The following MTAP variants were observed in gnomAD, a reference collection of about 807,000 sequenced individuals.
MTAP encodes S-methyl-5'-thioadenosine phosphorylase.
Under a neutral mutation model 33.6 loss-of-function variants are expected in MTAP, and 33 were observed. The observed-to-expected ratio is 0.98, with a 90% CI of 0.74 to 1.31. MTAP has a LOEUF of 1.31. MTAP is among the 40% of genes most tolerant of loss of function. The pLI is 0.00. For synonymous variants in MTAP, 148 were observed against 125.7 expected, an observed-to-expected ratio of 1.18 and a Z score of -1.19; for missense variants, 367 against 360.0, an observed-to-expected ratio of 1.02 and a Z score of -0.16.
Position 21,819,140 on chromosome 9 carries a change from T to TC in MTAP, c.347+938_347+939insC, listed in dbSNP as rs200901590. On this transcript the variant is annotated intron_variant, in intron 4 of 7. Coordinates refer to ENST00000644715, the MANE Select transcript of MTAP (RefSeq NM_002451.4). Reference sequence around the variant, plus strand: ...TTGTGTATATATACCACATTTTCTTTTTTTTTTTTTTAATTGTACTTTTAA... The same window carrying TC: ...TTGTGTATATATACCACATTTTCTTTCTTTTTTTTTTTAATTGTACTTTTAA... Among the ~76,000 whole-genome samples the TC allele has an allele frequency of 7.4e-3, 1,117 of 151,584 alleles. 14 individuals are homozygous for TC. The highest frequency in any genetic ancestry group is 0.024 in the African/African-American group (1,003 of 41,304).
intron 5 of MTAP, among the ~76,000 whole-genome samples, chr9:21,838,633 T>C (rs1228599289): frequency 6.6e-6 from 1 of 152,216 alleles, no homozygotes; most frequent in East Asian, 1.9e-4. Context: ...CAGCCTTCTG[T>C]CTACCATTAT....
intron 1 of MTAP, chr9:21,930,204 C>G: frequency 3.1e-6 from 1 of 318,526 alleles, no homozygotes; most frequent in Non-Finnish European, 6.1e-6. Flanking sequence ...TAATCAGAGC[C>G]AAACCCCATG....
At chr9:21,802,859 C>T (rs535782573) in intron 1 of MTAP, 78 bp downstream of exon 1, 5 of 1,579,660 alleles carry the variant, frequency 3.2e-6, no homozygotes, top group Middle Eastern at 1.9e-4. Context: ...ACCGCGCCTC[C>T]GGGGGCCATG....
downstream of MTAP, chr9:21,933,948 C>T (rs1819002988): frequency 6.6e-6 from 1 of 152,014 alleles, no homozygotes; most frequent in African/African-American, 2.4e-5. Flanking sequence ...CGCAAATGTT[C>T]TTCAAGTTGA....
At chr9:21,871,165 G>A (rs112302074), downstream of MTAP, among the ~76,000 whole-genome samples, 14 of 152,250 alleles carry the variant, frequency 9.2e-5, 1 homozygote, top group African/African-American at 3.4e-4. Flanking sequence ...AGTTGTTCCA[G>A]TGATTTTGAA....
At chr9:21,916,094 AG>A (rs1268671518) in intron 1 of MTAP, among the ~76,000 whole-genome samples, 1 of 148,418 alleles carries the variant, frequency 6.7e-6, no homozygotes, top group African/African-American at 2.5e-5. Context: ...GAAGGAAGGA[AG>A]GAAGGAAGGA....
chr9:21,916,643 G>GA (rs960057064), intron 1 of MTAP, among the ~76,000 whole-genome samples: 80 of 149,128 alleles, frequency 5.4e-4, no homozygotes, highest in African/African-American at 1.3e-3. Context: ...ACAAACACAG[G>GA]AAAAAAAAAA....
chr9:21,811,375 A>T (rs1418421718), intron 1 of MTAP, among the ~76,000 whole-genome samples: 1 of 152,234 alleles, frequency 6.6e-6, no homozygotes, highest in Non-Finnish European at 1.5e-5. Context: ...GACCAGGTGA[A>T]CTGGTATTTG....
intron 1 of MTAP, among the ~76,000 whole-genome samples, chr9:21,874,583 A>G (rs1563856023): frequency 6.6e-6 from 1 of 151,976 alleles, no homozygotes; most frequent in Non-Finnish European, 1.5e-5. Context: ...ATTTTCACCC[A>G]TTCTGTAGGT....
downstream of MTAP, chr9:21,932,148 A>G (rs1341785015): frequency 1.3e-5 from 2 of 152,240 alleles, no homozygotes; most frequent in Admixed American, 6.5e-5. Flanking sequence ...TGCAAAAATT[A>G]TAACAGTGAG....
chr9:21,828,619 G>A (rs534793202), intron 4 of MTAP, among the ~76,000 whole-genome samples: 11 of 152,154 alleles, frequency 7.2e-5, no homozygotes, highest in Non-Finnish European at 1.5e-4. Context: ...AGGTTACAGT[G>A]AACCGAGATT....
chr9:21,810,486 A>G (rs1451822544), intron 1 of MTAP, among the ~76,000 whole-genome samples: 1 of 152,172 alleles, frequency 6.6e-6, no homozygotes, highest in South Asian at 2.1e-4. Flanking sequence ...ATCCAACCCA[A>G]TGAGAGCAAG....
chr9:21,827,607 A>G (rs1017337425), intron 4 of MTAP, among the ~76,000 whole-genome samples: 1 of 152,170 alleles, frequency 6.6e-6, no homozygotes, highest in Admixed American at 6.5e-5. Context: ...ACCTGACATT[A>G]TATATTTGTG....
At chr9:21,881,424 C>T (rs1454178196) in intron 1 of MTAP, among the ~76,000 whole-genome samples, 1 of 152,002 alleles carries the variant, frequency 6.6e-6, no homozygotes, top group African/African-American at 2.4e-5. Flanking sequence ...CTAGATCAAA[C>T]TTTAAAACTT....
chr9:21,931,316 G>A, downstream of MTAP: 1 of 575,570 alleles, frequency 1.7e-6, no homozygotes, highest in East Asian at 2.8e-5. Context: ...TTTTGCGGGG[G>A]AAAATGTTAG....
At chr9:21,838,754 G>A (rs1825170917) in intron 5 of MTAP, among the ~76,000 whole-genome samples, 1 of 152,218 alleles carries the variant, frequency 6.6e-6, no homozygotes, top group African/African-American at 2.4e-5. Flanking sequence ...TGACTAAGAA[G>A]CCTATGGCTT....
chr9:21,824,723 C>T, intron 4 of MTAP, among the ~76,000 whole-genome samples: 1 of 152,206 alleles, frequency 6.6e-6, no homozygotes, highest in Non-Finnish European at 1.5e-5. Flanking sequence ...GGCAGGCAGG[C>T]CTCCTTGAGC....
In MTAP at chr9:21,854,655, C is replaced by T. The variant is rs975980523; in HGVS notation, c.475C>T (p.Leu159=). Residue 159 remains leucine (L), a synonymous_variant, in exon 6 of 8, where the codon CTA becomes TTA. Coordinates refer to ENST00000644715, the MANE Select transcript of MTAP (RefSeq NM_002451.4). ...GGTTCTTATAGAGACTGCTAAGAAG[C>T]TAGGACTCCGGTGCCACTCAAAGGG... is the stretch of plus-strand genomic sequence containing the variant. ...REVLIETAKK[L]GLRCHSKGTM... The T allele has an allele frequency of 6.3e-7, 1 of 1,599,264 alleles. No individual in the cohort carries two copies. Among genetic ancestry groups the T allele is most frequent in the East Asian group, 2.2e-5 (1 of 44,650 alleles).
intron 7 of MTAP, chr9:21,860,573 T>C (rs532589468): frequency 6.6e-6 from 1 of 152,284 alleles, no homozygotes; most frequent in East Asian, 1.9e-4. Context: ...TTTATCATAA[T>C]ATATAGAGAT....
Sources: allele counts gnomAD v4.1 joint callset (sites outside exome capture counted in the v4.1 genomes callset), GRCh38; gene constraint gnomAD v4.1.1; transcripts MANE v1.5; gene names NCBI Gene and HGNC (gene_info 2026-07-23, HGNC 2026-07-21).